FGFR3: variants seen among roughly 807,000 people sequenced by gnomAD.
FGFR3 encodes fibroblast growth factor receptor 3, also known as FGFR-3.
Under a neutral mutation model 82.9 loss-of-function variants are expected in FGFR3, and 25 were observed. The observed-to-expected ratio is 0.30, with a 90% CI of 0.22 to 0.42. FGFR3 has a LOEUF of 0.42. Ranked by LOEUF, FGFR3 falls within the 10% of genes least tolerant of loss-of-function variation. The pLI is 1.00. For missense variants in FGFR3, 1,026 were observed against 1,161.0 expected (o/e 0.88, Z 1.69); for synonymous variants, 620 against 516.0 (o/e 1.20, Z -2.73).
At position 1,807,383 on chromosome 4, in the gene FGFR3, C is replaced by T. The variant is rs748078057; in HGVS notation, c.*121C>T. ...AGAGACAGCTACACAGAGCTTTGGT[C>T]TGTGTGTGTGTGTGTGCGTGTGTGT... On this transcript the variant is annotated 3_prime_UTR_variant, in exon 18 of 18. Transcript: ENST00000440486. The T allele has an allele frequency of 8.2e-7, 1 of 1,223,866 alleles. No homozygotes were observed. Among genetic ancestry groups the T allele is most frequent in the Non-Finnish European group, 1.1e-6 (1 of 918,168 alleles). 75.8% of individuals were successfully genotyped at this position (1,223,866 alleles called of 1,614,324 possible).
In FGFR3 at chr4:1,801,439, G is replaced by A. The variant is rs1441656357; in HGVS notation, c.518G>A (p.Arg173His). Reference protein sequence around the residue: ...LLAVPAANTVRFRCPAAGNPT... With the variant: ...LLAVPAANTVHFRCPAAGNPT... ...GCCGTGCCGGCCGCCAACACCGTCC[G>A]CTTCCGCTGCCCAGCCGCTGGCAAC... is the stretch of plus-strand genomic sequence containing the variant. Residue 173 changes from arginine (R) to histidine (H), a missense_variant, in exon 5 of 18, where the codon CGC becomes CAC. Coordinates refer to ENST00000440486, the MANE Select transcript of FGFR3 (RefSeq NM_000142.5). The A allele has an allele frequency of 2.2e-5, 34 of 1,552,596 alleles. No homozygotes were observed. The highest frequency in any genetic ancestry group is 1.6e-4 in the Admixed American group (8 of 51,390).
chr4:1,807,553 G>A lies in FGFR3; in HGVS notation c.*291G>A. On this transcript the variant is annotated 3_prime_UTR_variant, in exon 18 of 18. Coordinates refer to ENST00000440486, the MANE Select transcript of FGFR3 (RefSeq NM_000142.5). The stretch of plus-strand genomic sequence containing the variant: ...GGGGCCTTTGTTCTGGGGGGACCCA[G>A]TGCAGAATGTAAGTGGGCCCACCCG... 1.4e-6 allele frequency: 1 copy of A among 711,492 alleles called. No homozygotes were observed. 44.1% of individuals were successfully genotyped at this position (711,492 alleles called of 1,614,324 possible). A position where few individuals can be genotyped will look rare whatever the true frequency, so the allele number is the denominator to read the frequency against.
rs112601741 is a variant in FGFR3, at chr4:1,802,394, G to A, written c.930+369G>A. Among the ~76,000 whole-genome samples the A allele has an allele frequency of 5.9e-4, 90 of 152,318 alleles. 2 individuals carry two copies. Among genetic ancestry groups the A allele is most frequent in the African/African-American group, 1.9e-3 (78 of 41,560 alleles). On this transcript the variant is annotated intron_variant, in intron 7 of 17. Coordinates refer to ENST00000440486, the MANE Select transcript of FGFR3 (RefSeq NM_000142.5). Reference sequence around the variant, plus strand: ...GCCTCAGAGGCGGTGGCTGAGCCCCGACCTGGCCGATTGGCTCTCGTCAGC... The same window carrying A: ...GCCTCAGAGGCGGTGGCTGAGCCCCAACCTGGCCGATTGGCTCTCGTCAGC...
intron 7 of FGFR3, chr4:1,802,857 C>G (rs917744405): frequency 6.5e-7 from 1 of 1,531,036 alleles, no homozygotes; most frequent in East Asian, 2.6e-5. Context: ...CATCCTGCCT[C>G]GTGCCCGGCG....
At chr4:1,799,875 G>C in intron 4 of FGFR3, 63 bp downstream of exon 4, 2 of 1,574,698 alleles carry the variant, frequency 1.3e-6, no homozygotes, top group Non-Finnish European at 1.7e-6. Flanking sequence ...GCCAAGCCCT[G>C]CCCTTCACAG....
At chr4:1,803,177 C>T (rs1412194733) in intron 7 of FGFR3, 2 of 1,271,148 alleles carry the variant, frequency 1.6e-6, no homozygotes, top group Non-Finnish European at 2.0e-6. Flanking sequence ...CCGGCTCGCG[C>T]TCCACTCGGG....
chr4:1,805,571 A>G lies in FGFR3; in HGVS notation c.1547A>G (p.Asp516Gly), dbSNP rs772276122. Residue 516 changes from aspartate to glycine, a missense_variant, in exon 12 of 18, where the codon GAC becomes GGC. This residue lies in a region of FGFR3 where 164 missense variants were observed against 167.5 expected (regional missense o/e 0.98). Transcript: ENST00000440486. ...GCTCCGTGCACAGACGATGCCACTG[A>G]CAAGGACCTGTCGGACCTGGTGTCT... The part of the protein sequence containing the change: ...AVKMLKDDAT[D>G]KDLSDLVSEM... 1.4e-5 allele frequency: 22 copies of G among 1,613,082 alleles called. No individual in the cohort carries two copies. Among genetic ancestry groups the G allele is most frequent in the Non-Finnish European group, 1.9e-5 (22 of 1,179,834 alleles).
In FGFR3 at chr4:1,807,151, C is replaced by T. The variant is rs367757357; in HGVS notation, c.2310C>T (p.Tyr770=). 1.3e-6 allele frequency: 2 copies of T among 1,598,470 alleles called. No homozygotes were observed. Among genetic ancestry groups the T allele is most frequent in the East Asian group, 2.3e-5 (1 of 44,036 alleles). ...YLDLSAPFEQ[Y]SPGGQDTPSS... is the part of the protein sequence containing the mutation. ...ACCTGTCGGCGCCTTTCGAGCAGTA[C>T]TCCCCGGGTGGCCAGGACACCCCCA... The change falls in exon 18 of 18, where the codon TAC becomes TAT. Residue 770 remains tyrosine, a synonymous_variant. Coordinates refer to ENST00000440486, the MANE Select transcript of FGFR3 (RefSeq NM_000142.5).
intron 2 of FGFR3, among the ~76,000 whole-genome samples, chr4:1,795,931 C>T (rs577489984): frequency 6.6e-6 from 1 of 152,182 alleles, no homozygotes; most frequent in Non-Finnish European, 1.5e-5. Flanking sequence ...CCTCCAGGTC[C>T]TTGTGTGAGC....
In FGFR3 at chr4:1,804,968, C is replaced by T. The variant is rs533045918; in HGVS notation, c.1411C>T (p.Arg471Trp). The change falls in exon 10 of 18, where the codon CGG (arginine) becomes TGG (tryptophan). Residue 471 changes from arginine (R) to tryptophan (W), a missense_variant and splice_region_variant. Physicochemically the swap from Arg to Trp is moderately radical, Grantham distance 101. This residue lies in a region of FGFR3 where 22 missense variants were observed against 52.8 expected (regional missense o/e 0.42). Coordinates refer to ENST00000440486, the MANE Select transcript of FGFR3 (RefSeq NM_000142.5). ...CCCCAAATGGGAGCTGTCTCGGGCC[C>T]GGTCAGTGGTGCTGAGGGCCAGCGT... ...ADPKWELSRA[R>W]LTLGKPLGEG... The T allele has an allele frequency of 7.2e-5, 112 of 1,548,416 alleles. No homozygotes were observed. Among genetic ancestry groups the T allele is most frequent in the South Asian group, 1.1e-4 (9 of 83,976 alleles).
chr4:1,803,182 C>T, intron 7 of FGFR3: 1 of 1,215,932 alleles, frequency 8.2e-7, no homozygotes, highest in Non-Finnish European at 1.1e-6. Context: ...TCGCGCTCCA[C>T]TCGGGGCCGC....
chr4:1,806,379 G>GAGCC (rs761798608), intron 15 of FGFR3, 52 bp downstream of exon 15: 15 of 1,608,566 alleles, frequency 9.3e-6, no homozygotes, highest in South Asian at 4.4e-5. Flanking sequence ...GAACTGGGCA[G>GAGCC]AGCCAGGACC....
chr4:1,804,172 T>C (rs531699175), intron 8 of FGFR3, among the ~76,000 whole-genome samples, 158 bp from the exon 9 acceptor site: 1 of 152,300 alleles, frequency 6.6e-6, no homozygotes, highest in South Asian at 2.1e-4. Flanking sequence ...CTAGACTCAC[T>C]GGCGTTACTG....
chr4:1,796,443 C>T (rs1387100814), intron 2 of FGFR3, among the ~76,000 whole-genome samples: 1 of 152,120 alleles, frequency 6.6e-6, no homozygotes, highest in Non-Finnish European at 1.5e-5. Flanking sequence ...GGCAATACCT[C>T]CTGTACCCCA....
At chr4:1,804,280 C>G (rs754400428) in intron 8 of FGFR3, 50 bp from the exon 9 acceptor site, 1 of 1,539,834 alleles carries the variant, frequency 6.5e-7, no homozygotes, top group South Asian at 1.2e-5. Flanking sequence ...TCCATGGGAG[C>G]CCCGTGGGGG....
intron 4 of FGFR3, among the ~76,000 whole-genome samples, chr4:1,800,708 C>T (rs1216198478): frequency 1.3e-5 from 2 of 152,202 alleles, no homozygotes; most frequent in South Asian, 2.1e-4. Flanking sequence ...AGGGCTGCTT[C>T]CCTCCTGGGG....
chr4:1,804,928 C>T lies in FGFR3; in HGVS notation c.1371C>T (p.Leu457=), dbSNP rs199758988. 3.3e-4 allele frequency: 518 copies of T among 1,549,496 alleles called. No individual in the cohort carries two copies. The East Asian group carries it at 6.3e-3, about 19-fold the overall frequency. ...EGPTLANVSE[L]ELPADPKWEL... Reference sequence around the variant, plus strand: ...CCACGCTGGCCAATGTCTCCGAGCTCGAGCTGCCTGCCGACCCCAAATGGG... The same window carrying T: ...CCACGCTGGCCAATGTCTCCGAGCTTGAGCTGCCTGCCGACCCCAAATGGG... The change falls in exon 10 of 18, where the codon CTC becomes CTT. Residue 457 remains leucine (L), a synonymous_variant. Transcript: ENST00000440486.
chr4:1,798,665 G>C (rs1053959368), intron 2 of FGFR3, among the ~76,000 whole-genome samples: 9 of 151,980 alleles, frequency 5.9e-5, no homozygotes, highest in African/African-American at 2.2e-4. Flanking sequence ...TCTGTTCCCT[G>C]GCTGTCCATC....
intron 4 of FGFR3, among the ~76,000 whole-genome samples, chr4:1,800,367 T>G (rs1577270973): frequency 2.0e-5 from 3 of 146,478 alleles, no homozygotes; most frequent in East Asian, 2.0e-4. Context: ...GGTGGGGAGG[T>G]GGGGCTTCTG....
Sources: allele counts gnomAD v4.1 joint callset (sites outside exome capture counted in the v4.1 genomes callset), GRCh38; gene constraint gnomAD v4.1.1; regional missense constraint gnomAD v4.1.1; transcripts MANE v1.5; gene names NCBI Gene and HGNC (gene_info 2026-07-23, HGNC 2026-07-21).